Variants in RPS6KA2 observed in about 807,000 individuals in gnomAD.
The protein encoded by RPS6KA2 is ribosomal protein S6 kinase alpha-2.
A neutral mutation model predicts 91.8 loss-of-function variants in RPS6KA2; 42 were observed. The ratio of observed to expected loss-of-function variants is 0.46; its 90% CI spans 0.36 to 0.59. The LOEUF (loss-of-function observed/expected upper bound fraction) is 0.59. Ranked by LOEUF, RPS6KA2 falls within the 20% of genes least tolerant of loss-of-function variation. The probability of loss-of-function intolerance (pLI) is 0.00; values close to 1 mark genes in which losing one functional copy is unlikely to be tolerated. For synonymous variants in RPS6KA2, 414 were observed against 393.6 expected (o/e 1.05, Z -0.61); for missense variants, 798 against 978.5 (o/e 0.82, Z 2.46).
At chr6:166,633,759 G>A (rs774619243) in intron 2 of RPS6KA2, among the ~76,000 whole-genome samples, 7 of 152,100 alleles carry the variant, frequency 4.6e-5, no homozygotes, top group African/African-American at 7.2e-5. Flanking sequence ...ATTTATTCAC[G>A]TATCATGCAT....
intron 1 of RPS6KA2, among the ~76,000 whole-genome samples, chr6:166,622,784 T>C (rs1225334811): frequency 6.6e-6 from 1 of 152,224 alleles, no homozygotes. Flanking sequence ...TAGAAATAAA[T>C]TGACAATTGA....
intron 1 of RPS6KA2, among the ~76,000 whole-genome samples, chr6:166,590,631 C>T (rs917280575): frequency 1.3e-5 from 2 of 152,198 alleles, no homozygotes; most frequent in African/African-American, 4.8e-5. Flanking sequence ...AACACACACA[C>T]GCACGTGCAT....
intron 8 of RPS6KA2, among the ~76,000 whole-genome samples, chr6:166,492,794 C>T (rs746095466): frequency 6.6e-6 from 1 of 151,364 alleles, no homozygotes; most frequent in South Asian, 2.1e-4. Flanking sequence ...CGGCTCACTG[C>T]AACCTCCGCC....
rs1446713094 is a variant in RPS6KA2 at position 166,445,026 on chromosome 6, G to T, written c.1332+3698C>A. On this transcript the variant is annotated intron_variant, in intron 14 of 20. Coordinates refer to ENST00000265678, the MANE Select transcript of RPS6KA2 (RefSeq NM_021135.6). This position sits in a 1 kb window ranked among gnomAD's most constrained non-coding sequence, Gnocchi z 4.5. Reference sequence around the variant, plus strand: ...TTAAATGTAGTTTACGTTATTCAGGGTAATTATGGTGGCAAAATTAGAAAC... The same window carrying T: ...TTAAATGTAGTTTACGTTATTCAGGTTAATTATGGTGGCAAAATTAGAAAC... 6.6e-6 allele frequency among the ~76,000 whole-genome samples: 1 copy of T among 152,168 alleles called. No homozygotes were observed. The highest frequency in any genetic ancestry group is 1.5e-5 in the Non-Finnish European group (1 of 68,042).
At chr6:166,809,774 C>T (rs845671) in intron 2 of RPS6KA2, among the ~76,000 whole-genome samples, 80,767 of 151,920 alleles carry the variant, frequency 0.53, 22,722 homozygotes, top group East Asian at 0.65. Flanking sequence ...GGCATCCTGG[C>T]GATGTTTATT....
At chr6:166,545,614 C>A (rs1036646846) in intron 1 of RPS6KA2, among the ~76,000 whole-genome samples, 1 of 152,158 alleles carries the variant, frequency 6.6e-6, no homozygotes, top group Non-Finnish European at 1.5e-5. Flanking sequence ...CTCCCCACCC[C>A]GTCCCTGTTC....
At chr6:166,414,779 A>G (rs1378965833) in intron 19 of RPS6KA2, among the ~76,000 whole-genome samples, 4 of 152,240 alleles carry the variant, frequency 2.6e-5, no homozygotes, top group African/African-American at 9.6e-5. Flanking sequence ...ATGAATTAGA[A>G]TGCGGCTGGG....
chr6:166,654,839 C>T (rs574013443), intron 2 of RPS6KA2, among the ~76,000 whole-genome samples: 2 of 152,300 alleles, frequency 1.3e-5, no homozygotes, highest in African/African-American at 2.4e-5. Flanking sequence ...GGGAGACACT[C>T]GCTTCTGCCT....
Position 166,723,013 on chromosome 6 carries a change from C to T in RPS6KA2, c.123+135187G>A, listed in dbSNP as rs553936597. ...CCGTTAAGCGATGCAAGGTTTGGGGCGCTGCAAGGACTTAGAGAAAAAGCT... is the reference window on the plus strand; with the variant it reads ...CCGTTAAGCGATGCAAGGTTTGGGGTGCTGCAAGGACTTAGAGAAAAAGCT... On this transcript the variant is annotated intron_variant, in intron 2 of 21. Transcript: ENST00000503859. Among the ~76,000 whole-genome samples, 7 of 152,290 alleles carry T rather than the reference C, an allele frequency of 4.6e-5. No homozygotes were observed. In the South Asian group the frequency reaches 1.2e-3, roughly 27 times the overall value.
intron 3 of RPS6KA2, among the ~76,000 whole-genome samples, chr6:166,516,056 C>T (rs1258845952): frequency 2.6e-5 from 4 of 152,200 alleles, no homozygotes; most frequent in African/African-American, 9.7e-5. Flanking sequence ...CTAGAATGTA[C>T]AAAACCAAAC....
intron 2 of RPS6KA2, among the ~76,000 whole-genome samples, chr6:166,830,693 T>A (rs1429268639): frequency 6.6e-6 from 1 of 152,154 alleles, no homozygotes; most frequent in South Asian, 2.1e-4. Context: ...CTTTCTGCTG[T>A]GGGTTCTGAC....
rs374878360 is a variant in RPS6KA2 at position 166,434,783 on chromosome 6, C to T, written c.1333-2293G>A. 1.8e-4 allele frequency among the ~76,000 whole-genome samples: 28 copies of T among 152,258 alleles called. No individual in the cohort carries two copies. The highest frequency in any genetic ancestry group is 6.7e-4 in the African/African-American group (28 of 41,536). On this transcript the variant is annotated intron_variant, in intron 14 of 20. Coordinates refer to ENST00000265678, the MANE Select transcript of RPS6KA2 (RefSeq NM_021135.6). The surrounding 1 kb of genome is among the most constrained non-coding windows in gnomAD (Gnocchi z 4.4). ...GGAGCTTTTTCTCCACCGCCACGGA[C>T]CATCTTCAAGATACAAGGAGTAAAA...
intron 10 of RPS6KA2, among the ~76,000 whole-genome samples, chr6:166,479,286 C>T (rs1781098494): frequency 7.3e-6 from 1 of 136,082 alleles, no homozygotes; most frequent in African/African-American, 3.5e-5. Context: ...GGCCAGACTG[C>T]CCATTATCCA....
chr6:166,797,041 G>A (rs1028589345), intron 2 of RPS6KA2, among the ~76,000 whole-genome samples: 6 of 152,200 alleles, frequency 3.9e-5, no homozygotes, highest in Non-Finnish European at 7.3e-5. Context: ...TGGCTCTCAC[G>A]CCCGAGCAAA....
intron 10 of RPS6KA2, 78 bp downstream of exon 10, chr6:166,488,755 G>T: frequency 9.1e-7 from 1 of 1,103,154 alleles, no homozygotes; most frequent in Non-Finnish European, 1.4e-6. Context: ...GCAGGAGGGT[G>T]GCCCTCCACA....
At chr6:166,675,477 C>G (rs1263027707) in intron 2 of RPS6KA2, among the ~76,000 whole-genome samples, 2 of 152,200 alleles carry the variant, frequency 1.3e-5, no homozygotes, top group Admixed American at 6.5e-5. Context: ...CCCACAAGAG[C>G]AGAGAGGCTG....
In RPS6KA2 at chr6:166,557,587, T is replaced by C. The variant is rs1353918164; in HGVS notation, c.100-18803A>G. 6.6e-6 allele frequency among the ~76,000 whole-genome samples: 1 copy of C among 151,936 alleles called. No homozygotes were observed. The highest frequency in any genetic ancestry group is 2.4e-5 in the African/African-American group (1 of 41,192). Reference sequence around the variant, plus strand: ...TTGTCAAATGACAGAAAAATCAGCTTTTGTGTTTTTGTGTCTGTTATTAAA... The same window carrying C: ...TTGTCAAATGACAGAAAAATCAGCTCTTGTGTTTTTGTGTCTGTTATTAAA... On this transcript the variant is annotated intron_variant, in intron 1 of 20. Coordinates refer to ENST00000265678, the MANE Select transcript of RPS6KA2 (RefSeq NM_021135.6). This position sits in a 1 kb window ranked among gnomAD's most constrained non-coding sequence, Gnocchi z 4.8.
intron 3 of RPS6KA2, 87 bp from the exon 4 acceptor site, chr6:166,510,444 C>T (rs540844576): frequency 1.8e-5 from 14 of 788,074 alleles, no homozygotes; most frequent in Admixed American, 1.5e-4. Context: ...ATATAATTCC[C>T]GCCAACTTTT....
intron 11 of RPS6KA2, among the ~76,000 whole-genome samples, chr6:166,461,811 G>A (rs540399151): frequency 1.1e-4 from 16 of 152,296 alleles, no homozygotes; most frequent in African/African-American, 2.2e-4. Flanking sequence ...CCTCTCCTCC[G>A]TGCCAGCTCT....
Sources: allele counts gnomAD v4.1 joint callset (sites outside exome capture counted in the v4.1 genomes callset), GRCh38; gene constraint gnomAD v4.1.1; non-coding constraint Gnocchi (gnomAD v3.1); transcripts MANE v1.5; gene names NCBI Gene and HGNC (gene_info 2026-07-23, HGNC 2026-07-21).